ACO2: variants seen among roughly 807,000 people sequenced by gnomAD.
ACO2 encodes the protein aconitate hydratase, mitochondrial.
ACO2 carries 31 observed loss-of-function variants against 84.5 expected under a neutral mutation model. That is an observed-to-expected ratio of 0.37 (90% CI 0.28 to 0.50). The LOEUF (loss-of-function observed/expected upper bound fraction) is 0.50, where lower values mean the gene tolerates loss of function less well. Ranked by LOEUF, ACO2 falls within the 20% of genes least tolerant of loss-of-function variation. The pLI is 0.97. For missense variants in ACO2, 685 were observed against 1,029.3 expected (o/e 0.67, Z 4.58); for synonymous variants, 414 against 412.7 (o/e 1.00, Z -0.04).
chr22:41,484,871 C>CTT (rs1231320140), intron 1 of ACO2, among the ~76,000 whole-genome samples: 188 of 118,914 alleles, frequency 1.6e-3, no homozygotes, highest in Middle Eastern at 4.4e-3. Flanking sequence ...GGAGTCAGCT[C>CTT]TTTTTTTTTT....
At chr22:41,526,783 C>G (rs1290393631) in intron 15 of ACO2, 1 of 342,014 alleles carries the variant, frequency 2.9e-6, no homozygotes, top group African/African-American at 2.1e-5. Flanking sequence ...CGGGGCCTCA[C>G]AGTGAGCAGG....
intron 12 of ACO2, 27 bp downstream of exon 12, chr22:41,523,968 C>T (rs529951921): frequency 1.3e-5 from 21 of 1,602,260 alleles, no homozygotes; most frequent in Non-Finnish European, 1.8e-5. Flanking sequence ...GCGCACAAGC[C>T]TGGGATGGCC....
intron 2 of ACO2, among the ~76,000 whole-genome samples, chr22:41,506,541 C>G (rs2066394825): frequency 6.6e-6 from 1 of 152,198 alleles, no homozygotes; most frequent in Admixed American, 6.5e-5. Flanking sequence ...GCATGAGCCA[C>G]CGCACCCGGC....
At chr22:41,495,791 CG>C (rs1310735694) in intron 1 of ACO2, among the ~76,000 whole-genome samples, 10 of 151,130 alleles carry the variant, frequency 6.6e-5, no homozygotes, top group Admixed American at 2.6e-4. Context: ...GTAGTAGAGA[CG>C]GGGTTTCACC....
At chr22:41,508,502 C>T (rs923564801) in intron 3 of ACO2, among the ~76,000 whole-genome samples, 4 of 152,298 alleles carry the variant, frequency 2.6e-5, no homozygotes, top group Admixed American at 6.5e-5. Flanking sequence ...AAATTTGAGG[C>T]GGCAGTGGCA....
intron 1 of ACO2, among the ~76,000 whole-genome samples, chr22:41,485,026 G>A (rs1261763314): frequency 2.0e-5 from 3 of 151,468 alleles, no homozygotes; most frequent in African/African-American, 7.3e-5. Context: ...AGGCGTGTGC[G>A]ACCACACTCT....
chr22:41,524,724 G>T lies in ACO2; in HGVS notation c.1483-122G>T, dbSNP rs867100566. On this transcript the variant is annotated intron_variant, in intron 12 of 17. Transcript: ENST00000216254. ...GCTCTGGCCTCTGAGGAACACAGGG[G>T]TCTGGGAAGAACATGGAAATTTCCT... 5 of 1,478,542 alleles carry T rather than the reference G, an allele frequency of 3.4e-6. No individual in the cohort carries two copies. In the Middle Eastern group the frequency reaches 1.0e-3, roughly 297 times the overall value. The allele number at this position is 1,478,542 out of a possible 1,614,324, so 91.6% of individuals were successfully genotyped here.
At chr22:41,517,243 C>T (rs922973564) in intron 6 of ACO2, 6 of 415,474 alleles carry the variant, frequency 1.4e-5, no homozygotes, top group Non-Finnish European at 2.3e-5. Flanking sequence ...CCCAAGCTCG[C>T]AGCTCAGTGT....
intron 1 of ACO2, among the ~76,000 whole-genome samples, chr22:41,479,268 T>C (rs1242749848): frequency 6.6e-6 from 1 of 152,170 alleles, no homozygotes; most frequent in Non-Finnish European, 1.5e-5. Flanking sequence ...CATCCAGGCC[T>C]GGAGGAGCGG....
At chr22:41,520,004 G>T (rs927978906) in intron 8 of ACO2, among the ~76,000 whole-genome samples, 167 bp from the exon 9 acceptor site, 1 of 152,164 alleles carries the variant, frequency 6.6e-6, no homozygotes, top group Non-Finnish European at 1.5e-5. Flanking sequence ...GCCCGGGAGC[G>T]GGTGTGTGCA....
At chr22:41,507,216 G>T (rs1471151732) in intron 2 of ACO2, among the ~76,000 whole-genome samples, 1 of 152,282 alleles carries the variant, frequency 6.6e-6, no homozygotes, top group East Asian at 1.9e-4. Flanking sequence ...CAAAGTCTTA[G>T]TGTCATAGTT....
At chr22:41,475,286 C>T (rs1479586966) in intron 1 of ACO2, among the ~76,000 whole-genome samples, 1 of 151,372 alleles carries the variant, frequency 6.6e-6, no homozygotes, top group Non-Finnish European at 1.5e-5. Context: ...AGTCCTCCCA[C>T]CCCAGCCTCC....
intron 2 of ACO2, among the ~76,000 whole-genome samples, chr22:41,506,498 C>CT (rs1249162113): frequency 1.3e-5 from 2 of 152,146 alleles, no homozygotes; most frequent in African/African-American, 4.8e-5. Context: ...CATGATCCGC[C>CT]TGTCTCGGCC....
At chr22:41,528,262 G>A in intron 17 of ACO2, 2 of 846,194 alleles carry the variant, frequency 2.4e-6, no homozygotes, top group South Asian at 3.6e-5. Flanking sequence ...GGCACTCAGG[G>A]GACAGCCCAC....
In ACO2 at chr22:41,527,825, G is replaced by T. The variant is rs73887736; in HGVS notation, c.2087-76G>T. ...AGCAGGATTAGGGGCATCTCCCAGA[G>T]CCCCAGATGGGTTCAGAAAATGAAG... is the stretch of plus-strand genomic sequence containing the variant. On this transcript the variant is annotated intron_variant, in intron 16 of 17. Transcript: ENST00000216254. 3,459 of 1,608,434 alleles carry T rather than the reference G, an allele frequency of 2.2e-3. 63 individuals carry two copies. In the African/African-American group the frequency reaches 0.042, roughly 19 times the overall value.
chr22:41,520,320 G>A (rs1297341272), intron 9 of ACO2, 44 bp downstream of exon 9: 4 of 1,504,484 alleles, frequency 2.7e-6, no homozygotes, highest in South Asian at 1.1e-5. Flanking sequence ...CTCAGGGCCA[G>A]TGGCTCTGCC....
At chr22:41,497,473 C>T (rs547776682) in intron 1 of ACO2, among the ~76,000 whole-genome samples, 55 of 152,220 alleles carry the variant, frequency 3.6e-4, no homozygotes, top group Non-Finnish European at 6.3e-4. Flanking sequence ...CCCGGTACAG[C>T]GGCTCATGCC....
At chr22:41,511,743 C>CT (rs1601913064) in intron 3 of ACO2, 133 bp from the exon 4 acceptor site, 1 of 621,448 alleles carries the variant, frequency 1.6e-6, no homozygotes, top group African/African-American at 1.9e-5. Flanking sequence ...TAGAAGGTCT[C>CT]TAAGAGAGGG....
rs964174323 is a variant in ACO2 at position 41,507,110 on chromosome 22, T to TAGG, written c.174-669_174-667dup. Among the ~76,000 whole-genome samples the TAGG allele has an allele frequency of 1.5e-4, 23 of 152,102 alleles. No homozygotes were observed. The Middle Eastern group carries it at 0.01, about 67-fold the overall frequency. Reference sequence around the variant, plus strand: ...GTGGGGCCTCCGGGGAAATGGGGTCTAGGAGGAGGAGGAGCTGTGAGAGGC... The same window carrying TAGG: ...GTGGGGCCTCCGGGGAAATGGGGTCTAGGAGGAGGAGGAGGAGCTGTGAGAGGC... On this transcript the variant is annotated intron_variant, in intron 2 of 17. Transcript: ENST00000216254.
Sources: gnomAD v4.1 joint callset for allele counts (sites outside exome capture counted in the v4.1 genomes callset) on GRCh38, gnomAD v4.1.1 for gene constraint, MANE v1.5 for transcripts, NCBI Gene and HGNC (gene_info 2026-07-23, HGNC 2026-07-21) for gene names.